Variants in ZHX3 observed in about 807,000 individuals in gnomAD.
ZHX3 encodes the protein zinc fingers and homeoboxes protein 3.
A neutral mutation model predicts 64.5 loss-of-function variants in ZHX3; 20 were observed. The observed-to-expected ratio is 0.31, with a 90% CI of 0.22 to 0.45. The LOEUF (loss-of-function observed/expected upper bound fraction) is 0.45, where lower values mean the gene tolerates loss of function less well. Among genes scored for constraint, ZHX3 ranks in the 20% least tolerant of loss-of-function variants. The pLI is 1.00. For synonymous variants in ZHX3, 423 were observed against 461.6 expected, an observed-to-expected ratio of 0.92 and a Z score of 1.07; for missense variants, 1,041 against 1,195.8, an observed-to-expected ratio of 0.87 and a Z score of 1.91.
At chr20:41,279,954 G>A (rs1253580308) in intron 1 of ZHX3, among the ~76,000 whole-genome samples, 1 of 152,168 alleles carries the variant, frequency 6.6e-6, no homozygotes, top group Non-Finnish European at 1.5e-5. Flanking sequence ...CTATGGAACA[G>A]CTGCATCCTC....
chr20:41,271,949 T>C (rs953566281), intron 1 of ZHX3: 7 of 152,168 alleles, frequency 4.6e-5, no homozygotes, highest in Non-Finnish European at 1.0e-4. Context: ...AAAACTTGAC[T>C]GCAATTCCAT....
intron 3 of ZHX3, among the ~76,000 whole-genome samples, chr20:41,198,462 T>C (rs919285754): frequency 6.6e-6 from 1 of 152,092 alleles, no homozygotes; most frequent in African/African-American, 2.4e-5. Context: ...TTTTGCCATA[T>C]ACAGAAATCT....
intron 2 of ZHX3, among the ~76,000 whole-genome samples, chr20:41,205,595 C>G (rs1218401435): frequency 6.6e-6 from 1 of 152,234 alleles, no homozygotes; most frequent in South Asian, 2.1e-4. Context: ...CTAGGAAGAC[C>G]GGCTGCTGTA....
intron 2 of ZHX3, among the ~76,000 whole-genome samples, chr20:41,234,329 G>A (rs2040821837): frequency 6.6e-6 from 1 of 152,218 alleles, no homozygotes; most frequent in South Asian, 2.1e-4. Context: ...TAGTTCATAT[G>A]TGTGATTAGG....
At chr20:41,317,251 G>T (rs2045314181) in intron 1 of ZHX3, 1 of 152,490 alleles carries the variant, frequency 6.6e-6, no homozygotes, top group Non-Finnish European at 1.5e-5. Flanking sequence ...GAGCCCGGGG[G>T]GTGATGACAG....
intron 1 of ZHX3, among the ~76,000 whole-genome samples, chr20:41,274,487 T>C (rs2031277595): frequency 6.6e-6 from 1 of 152,216 alleles, no homozygotes; most frequent in Non-Finnish European, 1.5e-5. Flanking sequence ...GGAAGGGTTT[T>C]ACAAGTCTTT....
chr20:41,207,870 C>G (rs1223098261), intron 2 of ZHX3, among the ~76,000 whole-genome samples: 1 of 152,072 alleles, frequency 6.6e-6, no homozygotes, highest in East Asian at 1.9e-4. Flanking sequence ...GAGATAGAGA[C>G]ACAAAAAACC....
In ZHX3 at chr20:41,232,484, T is replaced by C. The variant is rs2040677273; in HGVS notation, c.-150-27418A>G. Among the ~76,000 whole-genome samples the C allele has an allele frequency of 6.6e-6, 1 of 152,130 alleles. No homozygotes were observed. Among genetic ancestry groups the C allele is most frequent in the Non-Finnish European group, 1.5e-5 (1 of 68,020 alleles). On this transcript the variant is annotated intron_variant, in intron 2 of 3. Coordinates refer to ENST00000683867, the MANE Select transcript of ZHX3 (RefSeq NM_001384317.1). The surrounding 1 kb of genome is among the most constrained non-coding windows in gnomAD (Gnocchi z 5.0). ...TGAGGGCAAATTCTCAACTGGCTAG[T>C]CCTCAAATGAATCACGTAGCATACA... is the stretch of plus-strand genomic sequence containing the variant.
chr20:41,189,931 C>T (rs1199014078), intron 3 of ZHX3, among the ~76,000 whole-genome samples: 1 of 148,392 alleles, frequency 6.7e-6, no homozygotes, highest in African/African-American at 2.5e-5. Flanking sequence ...TTCAGCTTTT[C>T]CCCATTCAGT....
chr20:41,192,433 G>A (rs928693425), intron 3 of ZHX3, among the ~76,000 whole-genome samples: 1 of 152,222 alleles, frequency 6.6e-6, no homozygotes, highest in Non-Finnish European at 1.5e-5. Context: ...TGGATAGGGA[G>A]TGGCAGTGCT....
intron 1 of ZHX3, among the ~76,000 whole-genome samples, chr20:41,294,868 A>G (rs1028229157): frequency 1.3e-5 from 2 of 148,810 alleles, no homozygotes; most frequent in Non-Finnish European, 1.5e-5. Context: ...GCTAATTTTT[A>G]TATTTTTTGG....
intron 2 of ZHX3, among the ~76,000 whole-genome samples, chr20:41,247,843 T>C (rs1025780942): frequency 1.6e-4 from 24 of 152,212 alleles, no homozygotes; most frequent in Non-Finnish European, 1.6e-4. Flanking sequence ...GGTATCATGA[T>C]CCTGTCTTAG....
At position 41,271,076 on chromosome 20, in the gene ZHX3, A is replaced by G. The variant is rs946149958; in HGVS notation, c.-244-1993T>C. ...TCACTCTGTCCCCAGGCTGGAGTGC[A>G]GCGGCACTATCTCGGCTCACTGCAA... On this transcript the variant is annotated intron_variant, in intron 1 of 3. Transcript: ENST00000683867. Among the ~76,000 whole-genome samples the G allele has an allele frequency of 3.9e-5, 6 of 152,308 alleles. No individual in the cohort carries two copies. The East Asian group carries it at 9.7e-4, about 25-fold the overall frequency.
chr20:41,283,042 G>A (rs548735944), intron 1 of ZHX3, among the ~76,000 whole-genome samples: 1 of 152,244 alleles, frequency 6.6e-6, no homozygotes, highest in South Asian at 2.1e-4. Context: ...CCAAGTAGCT[G>A]ACATTACAGG....
At chr20:41,221,704 G>A (rs1384234549) in intron 2 of ZHX3, among the ~76,000 whole-genome samples, 2 of 152,246 alleles carry the variant, frequency 1.3e-5, no homozygotes, top group African/African-American at 4.8e-5. Context: ...ACAGTGGTCA[G>A]AAGAGAACTC....
rs2037367165 is a variant in ZHX3, at chr20:41,195,012, C to T, written c.2860+7045G>A. 6.6e-6 allele frequency among the ~76,000 whole-genome samples: 1 copy of T among 152,060 alleles called. No homozygotes were observed. Among genetic ancestry groups the T allele is most frequent in the Non-Finnish European group, 1.5e-5 (1 of 68,004 alleles). ...GAACCAACTTTTGGTTTCATTGATT[C>T]TCTATATCTGCTCTAACCTTTATTT... is the stretch of plus-strand genomic sequence containing the variant. On this transcript the variant is annotated intron_variant, in intron 3 of 3. Transcript: ENST00000683867. This position sits in a 1 kb window ranked among gnomAD's most constrained non-coding sequence, Gnocchi z 4.2.
chr20:41,233,308 T>A (rs529562609), intron 2 of ZHX3, among the ~76,000 whole-genome samples: 1 of 152,364 alleles, frequency 6.6e-6, no homozygotes, highest in East Asian at 1.9e-4. Flanking sequence ...TATACACCCT[T>A]CTTTACTGAT....
intron 3 of ZHX3, among the ~76,000 whole-genome samples, chr20:41,194,516 T>C (rs2037320717): frequency 6.7e-6 from 1 of 148,242 alleles, no homozygotes; most frequent in African/African-American, 2.5e-5. Flanking sequence ...TAAGAGATAT[T>C]AGTCTGTAGA....
chr20:41,290,265 G>A (rs1387426328), intron 1 of ZHX3: 1 of 152,174 alleles, frequency 6.6e-6, no homozygotes, highest in Admixed American at 6.6e-5. Flanking sequence ...CAACAGAATA[G>A]ATTTTATTTC....
Sources: gnomAD v4.1 joint callset for allele counts (sites outside exome capture counted in the v4.1 genomes callset) on GRCh38, gnomAD v4.1.1 for gene constraint, Gnocchi (gnomAD v3.1) non-coding constraint, MANE v1.5 for transcripts, NCBI Gene and HGNC (gene_info 2026-07-23, HGNC 2026-07-21) for gene names.